The following TXNL4A variants were observed in gnomAD, a reference collection of about 807,000 sequenced individuals.
TXNL4A encodes the protein thioredoxin like 4A.
TXNL4A carries 17 observed loss-of-function variants against 14.6 expected under a neutral mutation model. The observed-to-expected ratio is 1.16, with a 90% CI of 0.80 to 1.74. The LOEUF (loss-of-function observed/expected upper bound fraction) is 1.74, where lower values mean the gene tolerates loss of function less well. TXNL4A is among the 40% of genes most tolerant of loss of function. TXNL4A has a pLI of 0.00. For synonymous variants in TXNL4A, 83 were observed against 70.6 expected (o/e 1.18, Z -0.88); for missense variants, 74 against 195.2 (o/e 0.38, Z 3.70).
chr18:80,002,070 AG>A (rs923214525), intron 1 of TXNL4A, among the ~76,000 whole-genome samples: 2 of 152,138 alleles, frequency 1.3e-5, no homozygotes, highest in African/African-American at 2.4e-5. Context: ...TAATTGAATT[AG>A]GGGGGCAGTT....
intron 1 of TXNL4A, among the ~76,000 whole-genome samples, chr18:80,003,409 G>A (rs1034255451): frequency 6.6e-6 from 1 of 152,262 alleles, no homozygotes. Context: ...AACAAAAGGA[G>A]AAGCAGTTTT....
At chr18:80,000,306 G>A (rs1231843240) in intron 1 of TXNL4A, among the ~76,000 whole-genome samples, 2 of 152,168 alleles carry the variant, frequency 1.3e-5, no homozygotes, top group Non-Finnish European at 2.9e-5. Flanking sequence ...AGGCTGAGGT[G>A]GTCTCAGATG....
intron 1 of TXNL4A, among the ~76,000 whole-genome samples, chr18:79,981,214 G>A (rs921623668): frequency 6.6e-6 from 1 of 152,164 alleles, no homozygotes; most frequent in Non-Finnish European, 1.5e-5. Context: ...GAATCACCAT[G>A]CAAATAATAA....
intron 1 of TXNL4A, among the ~76,000 whole-genome samples, chr18:80,028,773 G>T (rs1475137139): frequency 2.6e-5 from 4 of 152,186 alleles, no homozygotes; most frequent in African/African-American, 7.2e-5. Context: ...TGCTTCTAGG[G>T]TTTGCATGAC....
intron 1 of TXNL4A, among the ~76,000 whole-genome samples, chr18:79,998,896 G>T (rs182744490): frequency 6.6e-6 from 1 of 152,084 alleles, no homozygotes; most frequent in Non-Finnish European, 1.5e-5. Context: ...TCTCACCCCA[G>T]GACAGACCTA....
At chr18:80,028,795 A>G (rs2051901844) in intron 1 of TXNL4A, among the ~76,000 whole-genome samples, 1 of 152,202 alleles carries the variant, frequency 6.6e-6, no homozygotes, top group Non-Finnish European at 1.5e-5. Context: ...TTGGGATGCT[A>G]TGGAAAGACG....
At chr18:80,028,225 T>G (rs2051897774) in intron 1 of TXNL4A, among the ~76,000 whole-genome samples, 1 of 148,966 alleles carries the variant, frequency 6.7e-6, no homozygotes, top group African/African-American at 2.5e-5. Flanking sequence ...GAGGGCTGCC[T>G]CCTTGTGTGA....
In TXNL4A at chr18:80,011,394, C is replaced by T. The variant is rs1053262782; in HGVS notation, c.-61+22457G>A. ...CATGTTTTATTTAAGAGTGCACAGG[C>T]GCCCACTACTTCAGCTATAAGGACA... is the stretch of plus-strand genomic sequence containing the variant. On this transcript the variant is annotated intron_variant, in intron 1 of 2. Coordinates refer to the TXNL4A transcript ENST00000585474. This position sits in a 1 kb window ranked among gnomAD's most constrained non-coding sequence, Gnocchi z 4.1. Among the ~76,000 whole-genome samples the T allele has an allele frequency of 6.6e-6, 1 of 152,170 alleles. No homozygotes were observed. Among genetic ancestry groups the T allele is most frequent in the Non-Finnish European group, 1.5e-5 (1 of 68,036 alleles).
Position 79,972,215 on chromosome 18 carries a change from C to T in TXNL4A, c.*1470G>A, listed in dbSNP as rs2051309943. The stretch of plus-strand genomic sequence containing the variant: ...CGTCCACATCTGTGTGCAGGGCAGA[C>T]ACTATTATCCGCCTTTACCAAGGAG... On this transcript the variant is annotated 3_prime_UTR_variant, in exon 3 of 3. Coordinates refer to ENST00000269601, the MANE Select transcript of TXNL4A (RefSeq NM_006701.5). 2.0e-5 allele frequency: 3 copies of T among 152,248 alleles called. No homozygotes were observed. The highest frequency in any genetic ancestry group is 2.0e-4 in the Admixed American group (3 of 15,278). 9.4% of individuals were successfully genotyped at this position (152,248 alleles called of 1,614,324 possible). A position where few individuals can be genotyped will look rare whatever the true frequency, so the allele number is the denominator to read the frequency against.
chr18:79,988,578 C>A, upstream of TXNL4A: 1 of 516,812 alleles, frequency 1.9e-6, no homozygotes, highest in Non-Finnish European at 2.9e-6. Flanking sequence ...GCGCACGCAC[C>A]GACGCCGTGC....
Position 80,013,460 on chromosome 18 carries a change from A to C in TXNL4A, c.-61+20391T>G, listed in dbSNP as rs531597475. ...ATTATTATTATTATTTTTGAGATGG[A>C]GTCTCACTCTGTTGCCCAGGCTGGA... is the stretch of plus-strand genomic sequence containing the variant. On this transcript the variant is annotated intron_variant, in intron 1 of 2. Transcript: ENST00000585474. 1.4e-4 allele frequency among the ~76,000 whole-genome samples: 21 copies of C among 149,600 alleles called. 2 individuals carry two copies. In the South Asian group the frequency reaches 4.3e-3, roughly 30 times the overall value.
Position 80,033,692 on chromosome 18 carries a change from A to G in TXNL4A, c.-61+159T>C, listed in dbSNP as rs538041368. ...ATTTAAACAAAACGTGTTCCTAGCT[A>G]CGCAGCGCCAGGCAACCAGGCGGTT... On this transcript the variant is annotated intron_variant, in intron 1 of 2. Coordinates refer to the TXNL4A transcript ENST00000585474. Among the ~76,000 whole-genome samples, 453 of 152,326 alleles carry G rather than the reference A, an allele frequency of 3.0e-3. 3 individuals carry two copies. The highest frequency in any genetic ancestry group is 0.01 in the African/African-American group (435 of 41,576).
In TXNL4A at chr18:79,993,859, T is replaced by C. The variant is rs1385459434; in HGVS notation, c.-60-16158A>G. The stretch of plus-strand genomic sequence containing the variant: ...AACATGCTTAAGGTCTAATCTCATC[T>C]GGTAGGTGCATATAAGGAGCTGACC... On this transcript the variant is annotated intron_variant, in intron 1 of 2. Coordinates refer to the TXNL4A transcript ENST00000585474. The surrounding 1 kb of genome is among the most constrained non-coding windows in gnomAD (Gnocchi z 4.4). 6.6e-6 allele frequency among the ~76,000 whole-genome samples: 1 copy of C among 152,344 alleles called. No individual in the cohort carries two copies. The highest frequency in any genetic ancestry group is 1.9e-4 in the East Asian group (1 of 5,184).
At chr18:80,014,850 C>A (rs2051796366) in intron 1 of TXNL4A, among the ~76,000 whole-genome samples, 1 of 152,232 alleles carries the variant, frequency 6.6e-6, no homozygotes, top group Non-Finnish European at 1.5e-5. Context: ...TTTGTCTGGG[C>A]ATCCAGGCAT....
intron 1 of TXNL4A, among the ~76,000 whole-genome samples, chr18:80,022,582 C>T (rs1243478868): frequency 6.6e-6 from 1 of 152,212 alleles, no homozygotes; most frequent in African/African-American, 2.4e-5. Context: ...ATATACGCCA[C>T]TTTCTCTTTA....
At chr18:79,993,531 T>G (rs1280725428), upstream of TXNL4A, among the ~76,000 whole-genome samples, 2 of 152,210 alleles carry the variant, frequency 1.3e-5, no homozygotes, top group African/African-American at 4.8e-5. This position sits in a 1 kb window ranked among gnomAD's most constrained non-coding sequence, Gnocchi z 4.4. Context: ...TGCTTACACT[T>G]GAGTGCTCAG....
At chr18:80,006,965 G>A (rs1302252734) in intron 1 of TXNL4A, among the ~76,000 whole-genome samples, 1 of 152,154 alleles carries the variant, frequency 6.6e-6, no homozygotes, top group East Asian at 1.9e-4. Flanking sequence ...TACTGCACAT[G>A]TGATGACAAA....
chr18:79,993,123 C>G (rs1384258598), upstream of TXNL4A, among the ~76,000 whole-genome samples: 6 of 152,114 alleles, frequency 3.9e-5, no homozygotes, highest in African/African-American at 1.4e-4. The surrounding 1 kb of genome is among the most constrained non-coding windows in gnomAD (Gnocchi z 4.4). Flanking sequence ...TTTCGACTGA[C>G]ATGTGGTAAC....
intron 1 of TXNL4A, among the ~76,000 whole-genome samples, chr18:80,024,983 C>T (rs1009673681): frequency 6.6e-6 from 1 of 152,208 alleles, no homozygotes; most frequent in African/African-American, 2.4e-5. Context: ...TTTAGAAACT[C>T]TGGCTGGCTA....
Sources: gnomAD v4.1 joint callset for allele counts (sites outside exome capture counted in the v4.1 genomes callset) on GRCh38, gnomAD v4.1.1 for gene constraint, Gnocchi (gnomAD v3.1) non-coding constraint, MANE v1.5 for transcripts, NCBI Gene and HGNC (gene_info 2026-07-23, HGNC 2026-07-21) for gene names.